KCNJ6: variants seen among roughly 807,000 people sequenced by gnomAD.
KCNJ6 encodes G protein-activated inward rectifier potassium channel 2.
KCNJ6 carries 9 observed loss-of-function variants against 34.2 expected under a neutral mutation model. The observed-to-expected ratio is 0.26, with a 90% CI of 0.16 to 0.46. KCNJ6 has a LOEUF of 0.46. KCNJ6 is among the 20% of genes least tolerant of loss of function. The pLI, the probability that KCNJ6 is intolerant of heterozygous loss-of-function variation, is 1.00. For synonymous variants in KCNJ6, 196 were observed against 207.1 expected (o/e 0.95, Z 0.46); for missense variants, 236 against 531.3 (o/e 0.44, Z 5.46).
chr21:37,726,149 A>AC (rs2054853376), intron 2 of KCNJ6, among the ~76,000 whole-genome samples: 1 of 151,600 alleles, frequency 6.6e-6, no homozygotes, highest in Non-Finnish European at 1.5e-5. Flanking sequence ...CAGGTGATCC[A>AC]CCCCCCTCGT....
At chr21:37,866,340 C>G (rs114444856) in intron 1 of KCNJ6, among the ~76,000 whole-genome samples, 1 of 152,202 alleles carries the variant, frequency 6.6e-6, no homozygotes, top group Admixed American at 6.5e-5. Flanking sequence ...TCTATTGAAC[C>G]CTGACTGGTA....
intron 1 of KCNJ6, among the ~76,000 whole-genome samples, chr21:37,914,518 G>A (rs994988813): frequency 6.6e-6 from 1 of 152,222 alleles, no homozygotes; most frequent in African/African-American, 2.4e-5. Flanking sequence ...CCTGGGACCC[G>A]CCACAGGGCA....
At position 37,608,810 on chromosome 21, in the gene KCNJ6, A is replaced by G. The variant is rs1355392009; in HGVS notation, c.*16349T>C. The G allele has an allele frequency of 6.6e-6, 1 of 152,206 alleles. No individual in the cohort carries two copies. 9.4% of individuals were successfully genotyped at this position (152,206 alleles called of 1,614,324 possible). Reference sequence around the variant, plus strand: ...TCAGAGTCTTCATAGTAACTTGTCAAGGACATCACTCACTGTACTGCAAGT... The same window carrying G: ...TCAGAGTCTTCATAGTAACTTGTCAGGGACATCACTCACTGTACTGCAAGT... On this transcript the variant is annotated 3_prime_UTR_variant, in exon 4 of 4. Transcript: ENST00000609713.
rs554992965 is a variant in KCNJ6, at chr21:37,747,026, G to A, written c.26-31895C>T. ...AGATCAGTGGAACACTTGAATGTGT[G>A]TGCAGAGCACTGTGTGAGCCCTGCT... On this transcript the variant is annotated intron_variant, in intron 2 of 3. Transcript: ENST00000609713. Among the ~76,000 whole-genome samples, 3 of 152,340 alleles carry A rather than the reference G, an allele frequency of 2.0e-5. 1 individual carries two copies. The South Asian group carries it at 6.2e-4, about 32-fold the overall frequency.
At chr21:37,719,768 AAAT>A (rs1257408718) in intron 2 of KCNJ6, among the ~76,000 whole-genome samples, 9 of 151,616 alleles carry the variant, frequency 5.9e-5, no homozygotes, top group Middle Eastern at 6.8e-3. Flanking sequence ...AATCTGAAAG[AAAT>A]AATAATAAAT....
rs1162655813 is a variant in KCNJ6, at chr21:37,613,099, AAAC to A, written c.*12057_*12059del. 1 of 139,852 alleles carries A rather than the reference AAAC, an allele frequency of 7.2e-6. No homozygotes were observed. The highest frequency in any genetic ancestry group is 7.0e-5 in the Admixed American group (1 of 14,306). The allele number at this position is 139,852 out of a possible 1,614,324, so 8.7% of individuals were successfully genotyped here. ...GAACTTTAACAAATCAACAATAAGA[AAAC>A]AACCCGATTTAAAAAAATGCCCAAA... On this transcript the variant is annotated 3_prime_UTR_variant, in exon 4 of 4. Transcript: ENST00000609713.
chr21:37,899,743 C>T (rs1023329154), intron 1 of KCNJ6, among the ~76,000 whole-genome samples: 1 of 152,206 alleles, frequency 6.6e-6, no homozygotes, highest in Non-Finnish European at 1.5e-5. Context: ...ACCTTGTGAA[C>T]TTGGCTTCCA....
intron 2 of KCNJ6, among the ~76,000 whole-genome samples, chr21:37,761,203 T>C (rs1283187916): frequency 6.6e-6 from 1 of 150,848 alleles, no homozygotes; most frequent in Non-Finnish European, 1.5e-5. Context: ...TGTGTGTGTA[T>C]GTATTGTGTG....
chr21:37,886,714 C>T (rs2055737227), intron 1 of KCNJ6, among the ~76,000 whole-genome samples: 1 of 152,186 alleles, frequency 6.6e-6, no homozygotes, highest in Admixed American at 6.5e-5. Flanking sequence ...TCCATTTTCA[C>T]TTTGCAACTC....
intron 1 of KCNJ6, among the ~76,000 whole-genome samples, chr21:37,878,462 C>T (rs568906907): frequency 1.3e-5 from 2 of 152,364 alleles, no homozygotes; most frequent in Non-Finnish European, 2.9e-5. Flanking sequence ...ACAGCAACTG[C>T]TTTCTAGGCA....
chr21:37,720,561 G>A (rs1016551090), intron 2 of KCNJ6, among the ~76,000 whole-genome samples: 4 of 152,184 alleles, frequency 2.6e-5, no homozygotes, highest in Admixed American at 6.5e-5. Context: ...GAGCTAAGGA[G>A]AACGGGACAG....
chr21:37,891,731 A>G (rs924653630), intron 1 of KCNJ6, among the ~76,000 whole-genome samples: 7 of 152,170 alleles, frequency 4.6e-5, no homozygotes, highest in Non-Finnish European at 8.8e-5. Flanking sequence ...TATAAATTTT[A>G]AAGGCTTGAA....
At position 37,686,980 on chromosome 21, in the gene KCNJ6, A is replaced by C. The variant is rs143907376; in HGVS notation, c.946+27231T>G. Among the ~76,000 whole-genome samples, 121 of 152,252 alleles carry C rather than the reference A, an allele frequency of 7.9e-4. 2 individuals carry two copies. The East Asian group carries it at 0.023, about 29-fold the overall frequency. On this transcript the variant is annotated intron_variant, in intron 3 of 3. Transcript: ENST00000609713. ...AAAGGCAGGCAAATTCAGACTTGCA[A>C]TACACATTCTGCTGAACGAAGCTAA...
In KCNJ6 at chr21:37,859,510, TATATATATATATATATATATAA is replaced by T. The variant is rs1164451044; in HGVS notation, c.-27-18823_-27-18802del. On this transcript the variant is annotated intron_variant, in intron 1 of 3. Transcript: ENST00000609713. ...CTTTATATATATATATATATATATA[TATATATATATATATATATATAA>T]AATACTTAAAAAGCTCTACAGATGA... Among the ~76,000 whole-genome samples the T allele has an allele frequency of 5.5e-3, 670 of 122,280 alleles. 48 individuals carry two copies. The highest frequency in any genetic ancestry group is 0.018 in the African/African-American group (508 of 27,932). 80.2% of individuals were successfully genotyped at this position (122,280 alleles called of 152,430 possible).
rs930879867 is a variant in KCNJ6 at position 37,629,972 on chromosome 21, G to C, written c.947-4488C>G. On this transcript the variant is annotated intron_variant, in intron 3 of 3. Coordinates refer to ENST00000609713, the MANE Select transcript of KCNJ6 (RefSeq NM_002240.5). ...TAAAATATTAAAAAGTATTTCTGGG[G>C]TAAATTGATAATTTTCTTCAGAAAA... Among the ~76,000 whole-genome samples the C allele has an allele frequency of 9.2e-5, 14 of 152,214 alleles. No individual in the cohort carries two copies. The South Asian group carries it at 2.5e-3, about 27-fold the overall frequency.
intron 2 of KCNJ6, among the ~76,000 whole-genome samples, chr21:37,723,162 A>G (rs2054835535): frequency 6.6e-6 from 1 of 152,258 alleles, no homozygotes; most frequent in Non-Finnish European, 1.5e-5. Context: ...TGGTCAACAA[A>G]CATATGAAAA....
intron 3 of KCNJ6, among the ~76,000 whole-genome samples, chr21:37,679,167 C>T (rs1174728569): frequency 6.6e-6 from 1 of 152,196 alleles, no homozygotes; most frequent in African/African-American, 2.4e-5. Flanking sequence ...GAAGTGGATC[C>T]TCCAGCCCCA....
In KCNJ6 at chr21:37,714,265, G is replaced by T; in HGVS notation, c.892C>A (p.Pro298Thr). 6.2e-7 allele frequency: 1 copy of T among 1,614,040 alleles called. No homozygotes were observed. Among genetic ancestry groups the T allele is most frequent in the Non-Finnish European group, 8.5e-7 (1 of 1,179,942 alleles). The change falls in exon 3 of 4, where the codon CCC becomes ACC. Residue 298 changes from proline to threonine, a missense_variant. Around this residue, in one of 5 missense-constraint regions of KCNJ6, gnomAD observed 60 missense variants for 207.3 expected, o/e 0.29. Transcript: ENST00000609713. The surrounding 1 kb of genome is among the most constrained non-coding windows in gnomAD (Gnocchi z 5.9). ...PFWEISKAQL[P>T]KEELEIVVIL... ...ACCACAATTTCCAGTTCCTCTTTGG[G>T]CAGCTGGGCTTTGGAGATCTCCCAG... is the stretch of plus-strand genomic sequence containing the variant.
chr21:37,840,793 T>C (rs2055476555), intron 1 of KCNJ6, 84 bp from the exon 2 acceptor site: 1 of 711,338 alleles, frequency 1.4e-6, no homozygotes, highest in Non-Finnish European at 2.4e-6. Context: ...GCTATATCTC[T>C]CTTCCTTCTT....
Sources: allele counts gnomAD v4.1 joint callset (sites outside exome capture counted in the v4.1 genomes callset), GRCh38; gene constraint gnomAD v4.1.1; regional missense constraint gnomAD v4.1.1; non-coding constraint Gnocchi (gnomAD v3.1); transcripts MANE v1.5; gene names NCBI Gene and HGNC (gene_info 2026-07-23, HGNC 2026-07-21).